The following NCAM2 variants were observed in gnomAD, a reference collection of about 807,000 sequenced individuals.
The protein encoded by NCAM2 is neural cell adhesion molecule 2.
A neutral mutation model predicts 98.1 loss-of-function variants in NCAM2; 30 were observed. That is an observed-to-expected ratio of 0.31 (90% CI 0.23 to 0.41). The LOEUF (loss-of-function observed/expected upper bound fraction) is 0.41. NCAM2 is among the 10% of genes least tolerant of loss of function. The pLI, the probability that NCAM2 is intolerant of heterozygous loss-of-function variation, is 1.00. For synonymous variants in NCAM2, 368 were observed against 342.4 expected (o/e 1.07, Z -0.83); for missense variants, 867 against 1,005.8 (o/e 0.86, Z 1.87).
At chr21:21,274,165 GA>G (rs199954458) in intron 1 of NCAM2, among the ~76,000 whole-genome samples, 5,170 of 136,030 alleles carry the variant, frequency 0.038, 281 homozygotes, top group East Asian at 0.29. Context: ...AACTCTGTCT[GA>G]AAAAAAAAAA....
At chr21:21,442,241 A>G (rs1229788836) in intron 12 of NCAM2, among the ~76,000 whole-genome samples, 1 of 152,144 alleles carries the variant, frequency 6.6e-6, no homozygotes, top group Non-Finnish European at 1.5e-5. Context: ...TGGTCTTCTA[A>G]ATGAAAGACA....
In NCAM2 at chr21:21,480,089, G is replaced by A. The variant is rs190196137; in HGVS notation, c.2077+2618G>A. Among the ~76,000 whole-genome samples, 104 of 152,178 alleles carry A rather than the reference G, an allele frequency of 6.8e-4. 3 individuals are homozygous for A. The Middle Eastern group carries it at 0.014, about 20-fold the overall frequency. ...TGAGTTAGAATAACTGCAACTGGCCGGGCGCGGTGGCTCACGCCAGCAATC... is the reference window on the plus strand; with the variant it reads ...TGAGTTAGAATAACTGCAACTGGCCAGGCGCGGTGGCTCACGCCAGCAATC... On this transcript the variant is annotated intron_variant, in intron 15 of 17. Coordinates refer to ENST00000400546, the MANE Select transcript of NCAM2 (RefSeq NM_004540.5).
intron 16 of NCAM2, among the ~76,000 whole-genome samples, chr21:21,530,574 A>G (rs544720985): frequency 2.6e-4 from 39 of 151,384 alleles, no homozygotes; most frequent in African/African-American, 9.4e-4. Flanking sequence ...ACACACACAG[A>G]TATTTCTATG....
At chr21:21,235,148 G>A (rs1160193929) in intron 1 of NCAM2, among the ~76,000 whole-genome samples, 5 of 151,762 alleles carry the variant, frequency 3.3e-5, no homozygotes, top group Non-Finnish European at 5.9e-5. Context: ...ATTAAAAAAA[G>A]TGGGGAGAGA....
intron 1 of NCAM2, among the ~76,000 whole-genome samples, chr21:21,022,160 A>G (rs2064451351): frequency 6.6e-6 from 1 of 152,034 alleles, no homozygotes; most frequent in Non-Finnish European, 1.5e-5. Context: ...ATCTAATTAG[A>G]ATAGTTTAGT....
chr21:21,329,265 T>C (rs778245682), intron 6 of NCAM2, among the ~76,000 whole-genome samples: 2 of 152,158 alleles, frequency 1.3e-5, no homozygotes, highest in Non-Finnish European at 2.9e-5. Context: ...TTTTATACCA[T>C]ATTTTTTACT....
intron 16 of NCAM2, among the ~76,000 whole-genome samples, chr21:21,527,187 C>T (rs897081115): frequency 2.0e-5 from 3 of 151,314 alleles, no homozygotes; most frequent in African/African-American, 4.9e-5. Context: ...TCTCAGCTCA[C>T]TGCAACCTCC....
At chr21:21,431,538 T>C (rs2077344083) in intron 11 of NCAM2, among the ~76,000 whole-genome samples, 1 of 152,136 alleles carries the variant, frequency 6.6e-6, no homozygotes, top group African/African-American at 2.4e-5. Context: ...AAAGGTTTAA[T>C]TTAATTGGAT....
rs1037301808 is a variant in NCAM2, at chr21:21,045,209, A to G, written c.55+46591A>G. Among the ~76,000 whole-genome samples the G allele has an allele frequency of 2.5e-4, 38 of 152,116 alleles. 1 individual carries two copies. The highest frequency in any genetic ancestry group is 5.9e-5 in the Non-Finnish European group (4 of 68,014). ...TATCATAGTGGAGAAATTCAAGCCC[A>G]CTCCAGTCCACTCCTGATGTCACTT... On this transcript the variant is annotated intron_variant, in intron 1 of 17. Transcript: ENST00000400546.
intron 1 of NCAM2, among the ~76,000 whole-genome samples, chr21:21,040,825 T>A (rs866361579): frequency 2.6e-5 from 4 of 152,176 alleles, no homozygotes; most frequent in South Asian, 2.1e-4. Flanking sequence ...AAATTACAGC[T>A]AGTTAGGAAG....
At chr21:21,053,532 G>A (rs182733280) in intron 1 of NCAM2, among the ~76,000 whole-genome samples, 11 of 151,500 alleles carry the variant, frequency 7.3e-5, no homozygotes, top group East Asian at 5.8e-4. Flanking sequence ...TAGACTATGT[G>A]TTATTTTTAA....
At chr21:21,121,372 AG>A (rs2146567507) in intron 1 of NCAM2, among the ~76,000 whole-genome samples, 1 of 152,318 alleles carries the variant, frequency 6.6e-6, no homozygotes, top group South Asian at 2.1e-4. Flanking sequence ...ACTGATGTCA[AG>A]GAGGGACAGG....
intron 9 of NCAM2, among the ~76,000 whole-genome samples, chr21:21,383,657 T>A (rs2076205381): frequency 6.6e-6 from 1 of 152,168 alleles, no homozygotes; most frequent in Non-Finnish European, 1.5e-5. Flanking sequence ...GAAGATGTAC[T>A]ATCTTGGGTT....
chr21:21,125,422 TTC>T (rs59867871), intron 1 of NCAM2, among the ~76,000 whole-genome samples: 3 of 6,130 alleles, frequency 4.9e-4, no homozygotes, highest in East Asian at 3.4e-3. Context: ...TTTACATATA[TTC>T]ATACATATGT....
At position 21,042,008 on chromosome 21, in the gene NCAM2, T is replaced by G. The variant is rs113755399; in HGVS notation, c.55+43390T>G. On this transcript the variant is annotated intron_variant, in intron 1 of 17. Transcript: ENST00000400546. ...AATGACGATGCCAACTTTCGTTAAT[T>G]TTAAGTGCAGTAGAACCCTTCCTAA... 6.6e-3 allele frequency among the ~76,000 whole-genome samples: 1,001 copies of G among 152,292 alleles called. 10 individuals are homozygous for G. Among genetic ancestry groups the G allele is most frequent in the African/African-American group, 0.022 (931 of 41,548 alleles).
chr21:21,291,479 G>A (rs547926563), intron 4 of NCAM2, among the ~76,000 whole-genome samples: 57 of 147,932 alleles, frequency 3.9e-4, no homozygotes, highest in South Asian at 2.1e-4. Context: ...ATATGCATGT[G>A]CACACACACA....
chr21:21,391,785 C>A (rs1047360987), intron 9 of NCAM2, among the ~76,000 whole-genome samples: 4 of 145,562 alleles, frequency 2.7e-5, no homozygotes, highest in African/African-American at 1.0e-4. Context: ...TCACATGCAA[C>A]AGAATTTGAA....
At chr21:21,119,126 A>ATT (rs1441509578) in intron 1 of NCAM2, among the ~76,000 whole-genome samples, 3 of 152,172 alleles carry the variant, frequency 2.0e-5, no homozygotes, top group African/African-American at 7.2e-5. Flanking sequence ...ATGATAATGC[A>ATT]TTTGAAATTC....
intron 1 of NCAM2, among the ~76,000 whole-genome samples, chr21:21,036,343 A>G (rs2064796406): frequency 6.6e-6 from 1 of 152,148 alleles, no homozygotes; most frequent in Non-Finnish European, 1.5e-5. Context: ...ACAAAATCTG[A>G]TTCTCTTTCT....
Sources: allele counts gnomAD v4.1 joint callset (sites outside exome capture counted in the v4.1 genomes callset), GRCh38; gene constraint gnomAD v4.1.1; transcripts MANE v1.5; gene names NCBI Gene and HGNC (gene_info 2026-07-23, HGNC 2026-07-21).